ZC4H2: variants seen among roughly 807,000 people sequenced by gnomAD.
ZC4H2 encodes the protein zinc finger C4H2-type containing.
For missense variants in ZC4H2, 137 were observed against 173.9 expected, an observed-to-expected ratio of 0.79 and a Z score of 1.19; for synonymous variants, 84 against 66.3, an observed-to-expected ratio of 1.27 and a Z score of -1.30.
Position 64,920,262 on chromosome X carries a change from T to C in ZC4H2, c.226-9A>G, listed in dbSNP as rs772174803. 2.5e-6 allele frequency: 3 copies of C among 1,206,104 alleles called. No homozygotes were observed. The highest frequency in any genetic ancestry group is 4.4e-5 in the Admixed American group (2 of 45,657). On this transcript the variant is annotated splice_polypyrimidine_tract_variant and intron_variant, in intron 2 of 4. Transcript: ENST00000374839. ...TTGATAGTGTTTTCCATCTGGAACA[T>C]AGAGTGGGATAGGCACAGAGAAAAG...
At chrX:65,023,798 C>T (rs1413052813) in intron 1 of ZC4H2, among the ~76,000 whole-genome samples, 2 of 111,543 alleles carry the variant, frequency 1.8e-5, no homozygotes, top group South Asian at 3.8e-4. Flanking sequence ...TATAAAGACA[C>T]GTGCATACAT....
At chrX:65,001,431 G>C (rs761094975) in intron 1 of ZC4H2, among the ~76,000 whole-genome samples, 1 of 111,932 alleles carries the variant, frequency 8.9e-6, no homozygotes, top group Non-Finnish European at 1.9e-5. Flanking sequence ...CCTTACAAGA[G>C]ATCCTGAAGG....
At chrX:65,015,641 T>TTTCTCAGG (rs1367394752) in intron 1 of ZC4H2, among the ~76,000 whole-genome samples, 1 of 112,292 alleles carries the variant, frequency 8.9e-6, no homozygotes, top group Non-Finnish European at 1.9e-5. Flanking sequence ...TATACACTCT[T>TTTCTCAGG]TTCTCAGGTT....
At chrX:65,012,519 T>C (rs1932765714) in intron 1 of ZC4H2, among the ~76,000 whole-genome samples, 1 of 111,438 alleles carries the variant, frequency 9.0e-6, no homozygotes, top group African/African-American at 3.3e-5. Context: ...CTCTCTCTTG[T>C]ACTACATAAT....
intron 1 of ZC4H2, among the ~76,000 whole-genome samples, chrX:64,938,145 T>C (rs1480283271): frequency 8.9e-6 from 1 of 112,044 alleles, no homozygotes; most frequent in Non-Finnish European, 1.9e-5. Flanking sequence ...CATCAGAGAA[T>C]ACTATGAACA....
intron 1 of ZC4H2, among the ~76,000 whole-genome samples, chrX:64,951,216 T>C (rs752181823): frequency 1.3e-4 from 15 of 112,576 alleles, no homozygotes; most frequent in Non-Finnish European, 5.6e-5. Flanking sequence ...TTGTTGGACA[T>C]TTGGCTTGGT....
chrX:64,919,189 C>T lies in ZC4H2; in HGVS notation c.414G>A (p.Gln138=). Residue 138 remains glutamine (Q), a synonymous_variant, in exon 4 of 5, where the codon CAG becomes CAA. Coordinates refer to ENST00000374839, the MANE Select transcript of ZC4H2 (RefSeq NM_018684.4). ...GAGGTTCTGTCTGCCATTCTGCTTTCTGCTTCTCAAAGTAACTTTGGAGAT... is the reference window on the plus strand; with the variant it reads ...GAGGTTCTGTCTGCCATTCTGCTTTTTGCTTCTCAAAGTAACTTTGGAGAT... ...EKLSLDYFEK[Q]KAEWQTEPQE... is the part of the protein sequence containing the mutation. The T allele has an allele frequency of 8.3e-7, 1 of 1,211,468 alleles. No individual in the cohort carries two copies. The highest frequency in any genetic ancestry group is 3.0e-5 in the East Asian group (1 of 33,803).
upstream of ZC4H2, among the ~76,000 whole-genome samples, chrX:64,980,735 G>A (rs750531767): frequency 5.4e-5 from 6 of 111,276 alleles, no homozygotes; most frequent in Admixed American, 5.8e-4. Flanking sequence ...TGGCAGAACT[G>A]AGATTCAAAT....
Position 64,932,101 on chromosome X carries a change from C to T in ZC4H2, c.54-10113G>A, listed in dbSNP as rs747180685. On this transcript the variant is annotated intron_variant, in intron 1 of 4. Coordinates refer to ENST00000374839, the MANE Select transcript of ZC4H2 (RefSeq NM_018684.4). ...TTGGACTAATCCTTTTATCATTATA[C>T]AATGTCCTTGCTTGTCTTTTTTTTT... 1.3e-4 allele frequency among the ~76,000 whole-genome samples: 14 copies of T among 111,003 alleles called. No individual in the cohort carries two copies. The East Asian group carries it at 4.0e-3, about 31-fold the overall frequency.
chrX:65,010,254 G>T (rs1269789045), intron 1 of ZC4H2, among the ~76,000 whole-genome samples: 2 of 111,832 alleles, frequency 1.8e-5, no homozygotes, highest in Non-Finnish European at 3.8e-5. Flanking sequence ...CTTATTGTTT[G>T]TGTTTCTGCT....
intron 1 of ZC4H2, among the ~76,000 whole-genome samples, chrX:64,989,830 C>T (rs1009459267): frequency 1.8e-5 from 2 of 111,819 alleles, no homozygotes; most frequent in Non-Finnish European, 1.9e-5. Context: ...AATGCAATAT[C>T]GCTATAACCT....
chrX:64,983,741 C>T (rs754659190), intron 1 of ZC4H2, among the ~76,000 whole-genome samples: 4 of 111,495 alleles, frequency 3.6e-5, no homozygotes, highest in Non-Finnish European at 7.5e-5. Context: ...ACCTGTAGCT[C>T]TACGGAATAG....
chrX:65,024,264 A>G (rs1462672398), intron 1 of ZC4H2, among the ~76,000 whole-genome samples: 2 of 111,485 alleles, frequency 1.8e-5, no homozygotes, highest in African/African-American at 3.3e-5. Context: ...ATAATAAAAA[A>G]AAGTTTACCA....
rs753985620 is a variant in ZC4H2, at chrX:64,995,566, C to T, written c.-272+39063G>A. 2.7e-5 allele frequency among the ~76,000 whole-genome samples: 3 copies of T among 112,280 alleles called. No individual in the cohort carries two copies. In the South Asian group the frequency reaches 1.1e-3, roughly 42 times the overall value. On this transcript the variant is annotated intron_variant, in intron 1 of 4. Coordinates refer to the ZC4H2 transcript ENST00000337990. ...GTAGAGACAGGGTTTCGCCATATTG[C>T]CCAGGCTGGTCTCGAACTCCTGAGC... is the stretch of plus-strand genomic sequence containing the variant.
chrX:64,935,658 T>C (rs1213641835), intron 1 of ZC4H2, among the ~76,000 whole-genome samples: 1 of 111,891 alleles, frequency 8.9e-6, no homozygotes, highest in Non-Finnish European at 1.9e-5. Context: ...TTCTTCAGCC[T>C]CCGCTGGTGA....
intron 1 of ZC4H2, among the ~76,000 whole-genome samples, chrX:65,004,003 C>T (rs1292956723): frequency 5.4e-5 from 6 of 111,763 alleles, no homozygotes; most frequent in Non-Finnish European, 9.4e-5. Flanking sequence ...TGAATAAATT[C>T]CTGGACACAT....
intron 1 of ZC4H2, among the ~76,000 whole-genome samples, chrX:65,018,930 T>C (rs927745053): frequency 1.8e-5 from 2 of 111,676 alleles, no homozygotes; most frequent in African/African-American, 3.3e-5. Flanking sequence ...AAGTTTGAAC[T>C]GGATGGAGCC....
intron 3 of ZC4H2, chrX:64,919,869 T>C (rs1929105420): frequency 2.7e-6 from 1 of 367,433 alleles, no homozygotes; most frequent in Non-Finnish European, 4.7e-6. Flanking sequence ...TCCAGTTTAA[T>C]AATCCTCCTT....
intron 1 of ZC4H2, among the ~76,000 whole-genome samples, chrX:65,022,264 C>T (rs368565178): frequency 4.5e-5 from 5 of 111,496 alleles, no homozygotes; most frequent in Admixed American, 9.5e-5. Context: ...AACATCAATG[C>T]GAAAATCCTC....
Sources: allele counts gnomAD v4.1 joint callset (sites outside exome capture counted in the v4.1 genomes callset), GRCh38; gene constraint gnomAD v4.1.1; transcripts MANE v1.5; gene names NCBI Gene and HGNC (gene_info 2026-07-23, HGNC 2026-07-21).